ITIH3: variants seen among roughly 807,000 people sequenced by gnomAD.
ITIH3 encodes inter-alpha-trypsin inhibitor heavy chain 3, also known as inter-alpha-trypsin inhibitor heavy chain H3.
In ITIH3, 81 loss-of-function variants were observed where a neutral mutation model predicts 96.5. That is an observed-to-expected ratio of 0.84 (90% CI 0.70 to 1.01). The LOEUF is 1.01. Ranked by LOEUF, ITIH3 falls within the 50% of genes least tolerant of loss-of-function variation. ITIH3 has a pLI of 0.00. For synonymous variants in ITIH3, 422 were observed against 445.2 expected, an observed-to-expected ratio of 0.95 and a Z score of 0.66; for missense variants, 1,057 against 1,139.3, an observed-to-expected ratio of 0.93 and a Z score of 1.04.
intron 18 of ITIH3, 36 bp downstream of exon 18, chr3:52,806,442 T>C: frequency 6.5e-7 from 1 of 1,543,742 alleles, no homozygotes; most frequent in Non-Finnish European, 8.9e-7. Flanking sequence ...GCCAGGGGGC[T>C]CTTCCTGGGA....
intron 7 of ITIH3, 25 bp from the exon 8 acceptor site, chr3:52,799,347 C>CACTT: frequency 1.3e-6 from 2 of 1,530,330 alleles, no homozygotes; most frequent in Non-Finnish European, 1.8e-6. Context: ...GGACACCGGC[C>CACTT]TCCGTCCCTC....
chr3:52,799,080 G>A lies in ITIH3; in HGVS notation c.778G>A (p.Gly260Ser), dbSNP rs1699706182. The change falls in exon 7 of 22, where the codon GGC becomes AGC. Residue 260 changes from glycine (G) to serine (S), a missense_variant. Physicochemically the swap from Gly to Ser is moderately conservative, Grantham distance 56 (BLOSUM62 0). Coordinates refer to ENST00000449956, the MANE Select transcript of ITIH3 (RefSeq NM_002217.4). ...CTATGACGTGAACAGAGAATCTCCT[G>A]GCAACGTGCAGGTACCCGGGCTGGC... ...ITYDVNRESP[G>S]NVQIVNGYFV... The A allele has an allele frequency of 6.2e-7, 1 of 1,613,512 alleles. No individual in the cohort carries two copies. The highest frequency in any genetic ancestry group is 8.5e-7 in the Non-Finnish European group (1 of 1,179,732).
Position 52,802,348 on chromosome 3 carries a change from G to T in ITIH3, c.1398G>T (p.Glu466Asp), listed in dbSNP as rs531405430. Residue 466 changes from glutamate (E) to aspartate (D), a missense_variant, in exon 12 of 22, where the codon GAG becomes GAT. Coordinates refer to ENST00000449956, the MANE Select transcript of ITIH3 (RefSeq NM_002217.4). ...ADLQLQGFYE[E>D]VANPLLTGVE... ...GCGAACTTCAGGGCTTCTATGAGGAGGTGGCCAACCCACTGCTGACGGGTG... is the reference window on the plus strand; with the variant it reads ...GCGAACTTCAGGGCTTCTATGAGGATGTGGCCAACCCACTGCTGACGGGTG... 8 of 1,613,772 alleles carry T rather than the reference G, an allele frequency of 5.0e-6. No homozygotes were observed. Among genetic ancestry groups the T allele is most frequent in the Non-Finnish European group, 6.8e-6 (8 of 1,179,876 alleles).
At chr3:52,796,212 G>C (rs971416638) in intron 2 of ITIH3, among the ~76,000 whole-genome samples, 1 of 152,182 alleles carries the variant, frequency 6.6e-6, no homozygotes, top group Non-Finnish European at 1.5e-5. Flanking sequence ...GTGACTGGAC[G>C]GGAAAGGGCA....
chr3:52,802,246 G>T lies in ITIH3; in HGVS notation c.1384-88G>T, dbSNP rs1013018658. On this transcript the variant is annotated intron_variant, in intron 11 of 21. Transcript: ENST00000449956. ...TGAACATTAGGAGCCATTAGGACGG[G>T]CCCAGCCCTGGGGCATGGATGCCCA... 7.8e-6 allele frequency: 11 copies of T among 1,402,532 alleles called. No homozygotes were observed. In the African/African-American group the frequency reaches 1.6e-4, roughly 20 times the overall value. The allele number at this position is 1,402,532 out of a possible 1,614,324, so 86.9% of individuals were successfully genotyped here.
intron 9 of ITIH3, 200 bp from the exon 10 acceptor site, chr3:52,800,338 C>G: frequency 1.6e-6 from 1 of 624,184 alleles, no homozygotes; most frequent in Non-Finnish European, 2.8e-6. Flanking sequence ...GCCTTTCATC[C>G]CCATTTGAAA....
chr3:52,806,872 T>G, intron 18 of ITIH3, 29 bp from the exon 19 acceptor site: 1 of 1,549,734 alleles, frequency 6.5e-7, no homozygotes, highest in Non-Finnish European at 8.7e-7. Flanking sequence ...TTCTCGCTGG[T>G]CTCTCTCCCT....
At chr3:52,798,193 A>G (rs1362888682) in intron 6 of ITIH3, among the ~76,000 whole-genome samples, 2 of 152,214 alleles carry the variant, frequency 1.3e-5, no homozygotes, top group African/African-American at 4.8e-5. Context: ...TGGACAGGGC[A>G]GGGCTTATCT....
At position 52,796,505 on chromosome 3, in the gene ITIH3, A is replaced by G. The variant is rs1477482931; in HGVS notation, c.139A>G (p.Ser47Gly). 6.2e-7 allele frequency: 1 copy of G among 1,612,944 alleles called. No homozygotes were observed. Among genetic ancestry groups the G allele is most frequent in the Non-Finnish European group, 8.5e-7 (1 of 1,179,758 alleles). The change falls in exon 3 of 22, where the codon AGT becomes GGT. Residue 47 changes from serine (S) to glycine (G), a missense_variant. Coordinates refer to ENST00000449956, the MANE Select transcript of ITIH3 (RefSeq NM_002217.4). The part of the protein sequence containing the change: ...EGVANGIEVY[S>G]TKINSKVTSR... ...GGTGGCCAATGGCATCGAGGTCTAC[A>G]GTACCAAAATCAACTCCAAGGTGAC...
Position 52,804,022 on chromosome 3 carries a change from A to T in ITIH3, c.1864+13A>T. 1 of 1,610,132 alleles carries T rather than the reference A, an allele frequency of 6.2e-7. No individual in the cohort carries two copies. The highest frequency in any genetic ancestry group is 1.1e-5 in the South Asian group (1 of 90,150). ...AAGCCTGGGGAAGGTGGGGATAGGG[A>T]TGGAGGCCGGAACCCGGAGGCCTCC... On this transcript the variant is annotated intron_variant, in intron 14 of 21. Transcript: ENST00000449956.
Position 52,806,401 on chromosome 3 carries a change from T to A in ITIH3, c.2051T>A (p.Val684Asp). 1 of 1,612,186 alleles carries A rather than the reference T, an allele frequency of 6.2e-7. No individual in the cohort carries two copies. ...GTVLRLIQDA[V>D]TGLTVNGQIT... The stretch of plus-strand genomic sequence containing the variant: ...GTGCTGCGCCTTATTCAGGATGCAG[T>A]CACAGGTGAGGCTTGTGGGCTAGGG... Residue 684 changes from valine to aspartate, a missense_variant, in exon 18 of 22, where the codon GTC (valine) becomes GAC (aspartate). Val to Asp is a radical substitution (Grantham distance 152). Coordinates refer to ENST00000449956, the MANE Select transcript of ITIH3 (RefSeq NM_002217.4).
chr3:52,802,763 C>T lies in ITIH3; in HGVS notation c.1666C>T (p.Arg556Trp), dbSNP rs563666178. The change falls in exon 13 of 22, where the codon CGG becomes TGG. Residue 556 changes from arginine (R) to tryptophan (W), a missense_variant. Physicochemically the swap from Arg to Trp is moderately radical, Grantham distance 101. Transcript: ENST00000449956. ...RDYIFGNYIE[R>W]LWAYLTIEQL... is the part of the protein sequence containing the mutation. ...CTACATCTTCGGGAATTACATTGAG[C>T]GGCTCTGGGCCTACCTCACCATTGA... The T allele has an allele frequency of 1.4e-4, 231 of 1,613,980 alleles. 2 individuals are homozygous for T. In the South Asian group the frequency reaches 2.2e-3, roughly 15 times the overall value.
intron 6 of ITIH3, 145 bp from the exon 7 acceptor site, chr3:52,798,821 C>G: frequency 1.6e-5 from 16 of 982,556 alleles, no homozygotes; most frequent in Non-Finnish European, 2.1e-5. Flanking sequence ...CAGGGCTGCC[C>G]AGGCCTCCAG....
At chr3:52,796,392 C>A (rs1699580619) in intron 2 of ITIH3, 89 bp from the exon 3 acceptor site, 1 of 1,217,824 alleles carries the variant, frequency 8.2e-7, no homozygotes, top group Non-Finnish European at 1.2e-6. Flanking sequence ...GCCTCAGAGC[C>A]TCCAAGGGTT....
At chr3:52,806,838 C>T in intron 18 of ITIH3, 63 bp from the exon 19 acceptor site, 1 of 1,409,930 alleles carries the variant, frequency 7.1e-7, no homozygotes. Flanking sequence ...AGGCACACCC[C>T]TAAAGGCAAT....
In ITIH3 at chr3:52,804,010, G is replaced by C. The variant is rs111581875; in HGVS notation, c.1864+1G>C. 1.7e-5 allele frequency: 28 copies of C among 1,612,134 alleles called. No individual in the cohort carries two copies. The highest frequency in any genetic ancestry group is 2.3e-5 in the Non-Finnish European group (27 of 1,179,176). Reference sequence around the variant, plus strand: ...GCCATTGCCGACAAGCCTGGGGAAGGTGGGGATAGGGATGGAGGCCGGAAC... The same window carrying C: ...GCCATTGCCGACAAGCCTGGGGAAGCTGGGGATAGGGATGGAGGCCGGAAC... On this transcript the variant is annotated splice_donor_variant, in intron 14 of 21. Transcript: ENST00000449956. LOFTEE classifies it high-confidence loss of function.
Position 52,803,896 on chromosome 3 carries a change from G to A in ITIH3, c.1751G>A (p.Arg584Gln), listed in dbSNP as rs373535470. ...HGEEKENLTA[R>Q]ALDLSLKYHF... is the part of the protein sequence containing the mutation. ...GAGGAGAAGGAGAACCTCACGGCCC[G>A]GGCCCTGGACCTGTCCCTCAAGTAT... The change falls in exon 14 of 22, where the codon CGG becomes CAG. Residue 584 changes from arginine to glutamine, a missense_variant. Physicochemically the swap from Arg to Gln is conservative, Grantham distance 43 (BLOSUM62 1). Transcript: ENST00000449956. The A allele has an allele frequency of 4.3e-5, 69 of 1,613,888 alleles. No individual in the cohort carries two copies. Among genetic ancestry groups the A allele is most frequent in the Admixed American group, 2.3e-4 (14 of 60,004 alleles).
Position 52,798,972 on chromosome 3 carries a change from G to A in ITIH3, c.670G>A (p.Val224Met). ...TTTCATCTCCATCCCTTAGGGCCATGTGTCCTTCAAGCCCAGCTTAGACCA... is the reference window on the plus strand; with the variant it reads ...TTTCATCTCCATCCCTTAGGGCCATATGTCCTTCAAGCCCAGCTTAGACCA... ...TKSFSGKKGH[V>M]SFKPSLDQQR... Residue 224 changes from valine (V) to methionine (M), a missense_variant, in exon 7 of 22, where the codon GTG becomes ATG. Transcript: ENST00000449956. 6.2e-7 allele frequency: 1 copy of A among 1,613,242 alleles called. No homozygotes were observed.
chr3:52,796,883 A>G, intron 4 of ITIH3, 40 bp downstream of exon 4: 5 of 1,406,626 alleles, frequency 3.6e-6, no homozygotes, highest in Non-Finnish European at 4.9e-6. Flanking sequence ...AATGTCTGGG[A>G]TCCAAGGGCC....
Sources: allele counts gnomAD v4.1 joint callset (sites outside exome capture counted in the v4.1 genomes callset), GRCh38; gene constraint gnomAD v4.1.1; transcripts MANE v1.5; gene names NCBI Gene and HGNC (gene_info 2026-07-23, HGNC 2026-07-21).